B4GALNT2: variants seen among roughly 807,000 people sequenced by gnomAD.
B4GALNT2 encodes the protein beta-1,4-N-acetyl-galactosaminyltransferase 2 (SID blood group), also known as N-acetylneuraminylgalactosylglucosyl-glucoside beta-1,4-N- acetylgalactosaminyltransferase 2.
Under a neutral mutation model 51.1 loss-of-function variants are expected in B4GALNT2, and 42 were observed. The observed-to-expected ratio is 0.82, with a 90% CI of 0.64 to 1.06. The LOEUF (loss-of-function observed/expected upper bound fraction) is 1.06, where lower values mean the gene tolerates loss of function less well. B4GALNT2 is among the 50% of genes least tolerant of loss of function. The probability of loss-of-function intolerance (pLI) is 0.00; values close to 1 mark genes in which losing one functional copy is unlikely to be tolerated. For synonymous variants in B4GALNT2, 253 were observed against 251.7 expected (o/e 1.01, Z -0.05); for missense variants, 602 against 633.6 (o/e 0.95, Z 0.54).
upstream of B4GALNT2, among the ~76,000 whole-genome samples, chr17:49,128,496 G>A (rs148213087): frequency 1.3e-3 from 195 of 152,272 alleles, 1 homozygote; most frequent in Non-Finnish European, 2.1e-3. Flanking sequence ...AGGGGAAGGA[G>A]AGACCTGGGG....
upstream of B4GALNT2, among the ~76,000 whole-genome samples, chr17:49,131,671 G>A (rs958913068): frequency 3.3e-5 from 5 of 151,720 alleles, no homozygotes; most frequent in South Asian, 4.2e-4. Flanking sequence ...CAATCACCCC[G>A]GGCTAATTTT....
chr17:49,147,562 T>C (rs1188784140), intron 3 of B4GALNT2, among the ~76,000 whole-genome samples: 1 of 151,628 alleles, frequency 6.6e-6, no homozygotes, highest in African/African-American at 2.4e-5. Flanking sequence ...TTTTTGTAGA[T>C]ATGGGGTTTT....
intron 4 of B4GALNT2, among the ~76,000 whole-genome samples, chr17:49,155,292 A>C (rs1178864035): frequency 4.0e-5 from 4 of 101,182 alleles, no homozygotes; most frequent in East Asian, 6.2e-4. Flanking sequence ...AGTGAGATTC[A>C]GTCTCAAAAA....
At chr17:49,122,691 A>T in the B4GALNT2 span, among the ~76,000 whole-genome samples, 1 of 152,222 alleles carries the variant, frequency 6.6e-6, no homozygotes, top group African/African-American at 2.4e-5. Context: ...TAGAAACAAC[A>T]TTCCTTACCT....
chr17:49,148,483 G>T, intron 3 of B4GALNT2: 1 of 303,456 alleles, frequency 3.3e-6, no homozygotes, highest in South Asian at 3.0e-5. Flanking sequence ...TCACCCTCCA[G>T]ACCTTCAGGC....
At chr17:49,130,613 G>A (rs1377162937), upstream of B4GALNT2, among the ~76,000 whole-genome samples, 5 of 152,020 alleles carry the variant, frequency 3.3e-5, no homozygotes, top group African/African-American at 1.2e-4. Context: ...ACTCCAGCTT[G>A]GGCAATAGAG....
At chr17:49,168,264 G>A (rs887471609) in intron 9 of B4GALNT2, among the ~76,000 whole-genome samples, 2 of 152,182 alleles carry the variant, frequency 1.3e-5, no homozygotes, top group African/African-American at 4.8e-5. Context: ...AAAATACTAG[G>A]AAGACAGCTC....
chr17:49,155,495 G>A (rs2042800731), intron 4 of B4GALNT2, among the ~76,000 whole-genome samples: 1 of 150,006 alleles, frequency 6.7e-6, no homozygotes, highest in African/African-American at 2.4e-5. Context: ...CCAGCTACTC[G>A]GGAGGCTGAG....
In B4GALNT2 at chr17:49,172,895, CA is replaced by C. The variant is rs1202962771; in HGVS notation, c.*3170del. 6.6e-6 allele frequency: 1 copy of C among 152,172 alleles called. No individual in the cohort carries two copies. The highest frequency in any genetic ancestry group is 2.4e-5 in the African/African-American group (1 of 41,434). The allele number at this position is 152,172 out of a possible 1,614,324, so 9.4% of individuals were successfully genotyped here. On this transcript the variant is annotated 3_prime_UTR_variant, in exon 11 of 11. Transcript: ENST00000393354. The stretch of plus-strand genomic sequence containing the variant: ...GGGAACATGTGTGACATCCATTTGC[CA>C]AAGAGAATTAGGTTCCAATCCTTGA...
At position 49,176,234 on chromosome 17, in the gene B4GALNT2, C is replaced by T. The variant is rs953700785; in HGVS notation, c.*6506C>T. The T allele has an allele frequency of 6.6e-6, 1 of 152,238 alleles. No homozygotes were observed. Among genetic ancestry groups the T allele is most frequent in the Non-Finnish European group, 1.5e-5 (1 of 68,058 alleles). 9.4% of individuals were successfully genotyped at this position (152,238 alleles called of 1,614,324 possible). On this transcript the variant is annotated 3_prime_UTR_variant, in exon 11 of 11. Coordinates refer to ENST00000393354, the MANE Select transcript of B4GALNT2 (RefSeq NM_001159387.2). ...ACCAGCTCGGTCTTGGAGACCCTAA[C>T]CCAGCGGCGCTAGAGGAATTAAAGA...
At chr17:49,148,284 A>C (rs2042715823) in intron 3 of B4GALNT2, 1 of 320,426 alleles carries the variant, frequency 3.1e-6, no homozygotes. Flanking sequence ...TGGGCGACAG[A>C]GTGAGATCCT....
chr17:49,164,448 T>C (rs1345734928), intron 8 of B4GALNT2, among the ~76,000 whole-genome samples, 173 bp downstream of exon 8: 1 of 151,608 alleles, frequency 6.6e-6, no homozygotes. Context: ...CACAGAGAAA[T>C]TGGTCACCCT....
At chr17:49,145,483 A>T (rs547436700) in intron 3 of B4GALNT2, among the ~76,000 whole-genome samples, 46 of 152,336 alleles carry the variant, frequency 3.0e-4, no homozygotes, top group African/African-American at 1.1e-3. Flanking sequence ...TACTCATGAC[A>T]ATTACAGTCC....
intron 3 of B4GALNT2, among the ~76,000 whole-genome samples, chr17:49,152,383 CA>C (rs1252708739): frequency 6.6e-6 from 1 of 151,920 alleles, no homozygotes; most frequent in Admixed American, 6.6e-5. Flanking sequence ...GTCTCAAAAA[CA>C]AAAATGCAGC....
chr17:49,162,854 A>G (rs922365131), intron 7 of B4GALNT2, among the ~76,000 whole-genome samples: 1 of 136,906 alleles, frequency 7.3e-6, no homozygotes, highest in African/African-American at 2.7e-5. Context: ...TGGAGGTTGC[A>G]GTGAGCCGAG....
Position 49,152,033 on chromosome 17 carries a change from C to T in B4GALNT2, c.354-767C>T, listed in dbSNP as rs369139653. 2.0e-5 allele frequency among the ~76,000 whole-genome samples: 3 copies of T among 151,916 alleles called. No homozygotes were observed. The South Asian group carries it at 6.2e-4, about 32-fold the overall frequency. On this transcript the variant is annotated intron_variant, in intron 3 of 10. Coordinates refer to ENST00000393354, the MANE Select transcript of B4GALNT2 (RefSeq NM_001159387.2). ...CTGCTGCAGCTGGGTGGGCCCCTAC[C>T]GTCTGATAATTTCCTTCTTCTATGC...
In B4GALNT2 at chr17:49,169,711, C is replaced by A; in HGVS notation, c.1504C>A (p.Leu502Ile). The A allele has an allele frequency of 6.3e-7, 1 of 1,587,122 alleles. No individual in the cohort carries two copies. ...GGCCCTCCACTACTTCAAGAACCAT[C>A]TCCAATGTGCCGCATAAAGGTGTGA... ...KLALHYFKNH[L>I]QCAA is the part of the protein sequence containing the mutation. Residue 502 changes from leucine to isoleucine, a missense_variant, in exon 11 of 11, where the codon CTC becomes ATC. By Grantham distance (5) the Leu-to-Ile change is conservative (BLOSUM62 2). Transcript: ENST00000393354.
intron 4 of B4GALNT2, among the ~76,000 whole-genome samples, chr17:49,156,316 T>G (rs1325968418): frequency 2.6e-5 from 4 of 152,180 alleles, no homozygotes; most frequent in Non-Finnish European, 4.4e-5. Context: ...GGAACTGAAT[T>G]AATTCACAGC....
intron 1 of B4GALNT2, among the ~76,000 whole-genome samples, chr17:49,134,821 C>T (rs1346484318): frequency 6.6e-6 from 1 of 152,072 alleles, no homozygotes; most frequent in Non-Finnish European, 1.5e-5. Flanking sequence ...GAACTCCTGA[C>T]CTCAAATGAT....
Sources: gnomAD v4.1 joint callset for allele counts (sites outside exome capture counted in the v4.1 genomes callset) on GRCh38, gnomAD v4.1.1 for gene constraint, MANE v1.5 for transcripts, NCBI Gene and HGNC (gene_info 2026-07-23, HGNC 2026-07-21) for gene names.